Variants in MTA3 observed in about 807,000 individuals in gnomAD.
MTA3 encodes the protein metastasis-associated protein MTA3.
Under a neutral mutation model 83.5 loss-of-function variants are expected in MTA3, and 34 were observed. That is an observed-to-expected ratio of 0.41 (90% CI 0.31 to 0.54). The LOEUF (loss-of-function observed/expected upper bound fraction) is 0.54, where lower values mean the gene tolerates loss of function less well. MTA3 is among the 20% of genes least tolerant of loss of function. The pLI is 0.33. For missense variants in MTA3, 761 were observed against 726.4 expected, an observed-to-expected ratio of 1.05 and a Z score of -0.55; for synonymous variants, 303 against 252.7, an observed-to-expected ratio of 1.20 and a Z score of -1.89.
chr2:42,703,929 T>G, intron 11 of MTA3: 1 of 279,012 alleles, frequency 3.6e-6, no homozygotes, highest in Non-Finnish European at 6.8e-6. Context: ...TCTAAGGAAA[T>G]TGTATTCGGA....
At chr2:42,741,664 A>T (rs1205350087) in intron 16 of MTA3, among the ~76,000 whole-genome samples, 1 of 151,962 alleles carries the variant, frequency 6.6e-6, no homozygotes, top group Non-Finnish European at 1.5e-5. Flanking sequence ...GACACATAGC[A>T]TTTTTTTTAT....
At chr2:42,697,858 A>C in intron 11 of MTA3, 24 bp downstream of exon 11, 1 of 1,463,720 alleles carries the variant, frequency 6.8e-7, no homozygotes, top group South Asian at 1.4e-5. Context: ...ATCTTTTAAA[A>C]TATTTGTTTT....
At chr2:42,536,719 C>T (rs896542947) in intron 2 of MTA3, among the ~76,000 whole-genome samples, 2 of 151,660 alleles carry the variant, frequency 1.3e-5, no homozygotes, top group African/African-American at 4.8e-5. Flanking sequence ...ATTAGCCGGG[C>T]GTGGTAGCAG....
At chr2:42,507,943 CAAA>C (rs200599468) in intron 2 of MTA3, among the ~76,000 whole-genome samples, 4 of 113,534 alleles carry the variant, frequency 3.5e-5, no homozygotes, top group African/African-American at 6.5e-5. Flanking sequence ...GAGTCTGTCT[CAAA>C]AAAAAAAAAA....
chr2:42,681,920 A>T (rs547352537), intron 8 of MTA3, among the ~76,000 whole-genome samples: 1 of 151,890 alleles, frequency 6.6e-6, no homozygotes, highest in East Asian at 1.9e-4. Context: ...AAAGGTAAAT[A>T]AATAAAAAAA....
rs115982198 is a variant in MTA3, at chr2:42,667,972, G to T, written c.702+8110G>T. The stretch of plus-strand genomic sequence containing the variant: ...ATTCTTTCTTTTCCCCCATCAATCT[G>T]TAGCTCATGTATGATCCGTGTAGCC... On this transcript the variant is annotated intron_variant, in intron 8 of 16. Coordinates refer to ENST00000405094, the MANE Select transcript of MTA3 (RefSeq NM_001330442.2). Among the ~76,000 whole-genome samples, 391 of 152,258 alleles carry T rather than the reference G, an allele frequency of 2.6e-3. 1 individual carries two copies. The highest frequency in any genetic ancestry group is 8.9e-3 in the African/African-American group (370 of 41,548).
At chr2:42,506,776 T>C (rs1558402792) in intron 2 of MTA3, among the ~76,000 whole-genome samples, 1 of 151,346 alleles carries the variant, frequency 6.6e-6, no homozygotes, top group Non-Finnish European at 1.5e-5. Context: ...CCCAGCTAAT[T>C]TTTGTAAATT....
chr2:42,664,272 T>C (rs1281667992), intron 8 of MTA3, among the ~76,000 whole-genome samples: 1 of 152,016 alleles, frequency 6.6e-6, no homozygotes. Flanking sequence ...TAAAATTGAG[T>C]AGTATGGTTA....
chr2:42,544,238 G>T (rs1041566397), intron 2 of MTA3, among the ~76,000 whole-genome samples: 2 of 152,052 alleles, frequency 1.3e-5, no homozygotes, highest in African/African-American at 4.8e-5. Flanking sequence ...ACAAGGTCAG[G>T]AGTTTGAGAC....
intron 6 of MTA3, among the ~76,000 whole-genome samples, chr2:42,652,003 A>T (rs926642697): frequency 6.6e-6 from 1 of 152,110 alleles, no homozygotes. Context: ...AGGCTGAGGC[A>T]GGAGAATGAC....
intron 14 of MTA3, among the ~76,000 whole-genome samples, chr2:42,713,887 A>G (rs1430377856): frequency 6.6e-6 from 1 of 152,230 alleles, no homozygotes; most frequent in African/African-American, 2.4e-5. Flanking sequence ...TTATGCAGAT[A>G]TCATTTCATA....
At chr2:42,629,422 T>G (rs951616584) in intron 4 of MTA3, among the ~76,000 whole-genome samples, 1 of 152,142 alleles carries the variant, frequency 6.6e-6, no homozygotes, top group East Asian at 1.9e-4. Context: ...AGAAAACTTA[T>G]GACATGCCCT....
At chr2:42,714,399 A>T (rs1008438050) in intron 14 of MTA3, among the ~76,000 whole-genome samples, 1 of 152,206 alleles carries the variant, frequency 6.6e-6, no homozygotes, top group African/African-American at 2.4e-5. Flanking sequence ...TATAAAAAAA[A>T]AATCATGAGT....
intron 2 of MTA3, among the ~76,000 whole-genome samples, chr2:42,518,945 G>A (rs1675282968): frequency 2.0e-5 from 3 of 149,956 alleles, no homozygotes; most frequent in African/African-American, 7.4e-5. Flanking sequence ...TAGCCTAAGT[G>A]ACAGAGTGAG....
rs1236300595 is a variant in MTA3 at position 42,753,918 on chromosome 2, T to C, written c.*519T>C. 7.1e-6 allele frequency: 7 copies of C among 985,796 alleles called. No homozygotes were observed. The highest frequency in any genetic ancestry group is 8.4e-6 in the Non-Finnish European group (7 of 830,394). 61.1% of individuals were successfully genotyped at this position (985,796 alleles called of 1,614,324 possible). A position where few individuals can be genotyped will look rare whatever the true frequency, so the allele number is the denominator to read the frequency against. On this transcript the variant is annotated 3_prime_UTR_variant, in exon 17 of 17. Transcript: ENST00000405094. ...TATTTCCCTGTCCTTGCTGTTACCG[T>C]CACTCAGCTTTTTCTCGATAGGCTT...
At chr2:42,498,567 T>G (rs562081417) in intron 2 of MTA3, among the ~76,000 whole-genome samples, 1 of 152,298 alleles carries the variant, frequency 6.6e-6, no homozygotes, top group Non-Finnish European at 1.5e-5. Flanking sequence ...CATGCATAAT[T>G]GGTACACATA....
intron 5 of MTA3, among the ~76,000 whole-genome samples, chr2:42,643,366 G>T (rs1214698011): frequency 6.6e-6 from 1 of 152,104 alleles, no homozygotes; most frequent in Non-Finnish European, 1.5e-5. Flanking sequence ...TTCTGGTTCA[G>T]ATAATCTCTA....
Position 42,753,507 on chromosome 2 carries a change from A to G in MTA3, c.*108A>G, listed in dbSNP as rs928845585. 9.8e-6 allele frequency: 15 copies of G among 1,535,374 alleles called. No homozygotes were observed. The Admixed American group carries it at 3.0e-4, about 31-fold the overall frequency. On this transcript the variant is annotated 3_prime_UTR_variant, in exon 17 of 17. Transcript: ENST00000405094. ...CCCACTCCCAGTACATTTCAGTGGG[A>G]GACCTCTGCGTGCATCCATGGAGAC...
At chr2:42,640,274 T>G in intron 5 of MTA3, 38 bp downstream of exon 5, 1 of 1,409,250 alleles carries the variant, frequency 7.1e-7, no homozygotes, top group Non-Finnish European at 9.8e-7. Flanking sequence ...TTTTTCTCCC[T>G]TTATTTCACA....
Sources: gnomAD v4.1 joint callset for allele counts (sites outside exome capture counted in the v4.1 genomes callset) on GRCh38, gnomAD v4.1.1 for gene constraint, MANE v1.5 for transcripts, NCBI Gene and HGNC (gene_info 2026-07-23, HGNC 2026-07-21) for gene names.